NLGN1: variants seen among roughly 807,000 people sequenced by gnomAD.
The protein encoded by NLGN1 is neuroligin 1.
In NLGN1, 12 loss-of-function variants were observed where a neutral mutation model predicts 65.5. The ratio of observed to expected loss-of-function variants is 0.18; its 90% confidence interval spans 0.12 to 0.30. The LOEUF is 0.30. NLGN1 is among the 10% of genes least tolerant of loss of function. The pLI is 1.00. For missense variants in NLGN1, 750 were observed against 1,007.1 expected (o/e 0.74, Z 3.46); for synonymous variants, 350 against 359.5 (o/e 0.97, Z 0.30).
chr3:173,751,311 T>C (rs2150156147), intron 3 of NLGN1, among the ~76,000 whole-genome samples: 2 of 152,214 alleles, frequency 1.3e-5, no homozygotes, highest in South Asian at 4.1e-4. Context: ...CCATGGAGGA[T>C]CATAGAAACA....
chr3:174,116,617 C>T (rs1006534403), intron 4 of NLGN1, among the ~76,000 whole-genome samples: 1 of 152,008 alleles, frequency 6.6e-6, no homozygotes, highest in African/African-American at 2.4e-5. Flanking sequence ...GGAATACAGG[C>T]ATGAGTCACC....
intron 4 of NLGN1, among the ~76,000 whole-genome samples, chr3:173,911,405 A>C (rs1475326802): frequency 2.0e-5 from 3 of 152,214 alleles, no homozygotes; most frequent in Non-Finnish European, 4.4e-5. Context: ...AAATATTGTA[A>C]TCATCCAGAA....
chr3:174,282,702 A>G (rs927764965), exon 7 of NLGN1: 2 of 152,208 alleles, frequency 1.3e-5, no homozygotes, highest in African/African-American at 4.8e-5. Context: ...ATGTAATCAG[A>G]TGTACATTTA....
chr3:173,740,586 A>G (rs1774488454), intron 3 of NLGN1, among the ~76,000 whole-genome samples: 1 of 152,076 alleles, frequency 6.6e-6, no homozygotes, highest in Admixed American at 6.6e-5. Flanking sequence ...AAATAATTAT[A>G]GACAAACAGA....
chr3:173,961,182 G>A (rs1206687112), intron 4 of NLGN1, among the ~76,000 whole-genome samples: 1 of 151,986 alleles, frequency 6.6e-6, no homozygotes, highest in East Asian at 1.9e-4. Context: ...AAAATATACA[G>A]TATATGTTTT....
intron 1 of NLGN1, among the ~76,000 whole-genome samples, chr3:173,434,834 G>A (rs1335510509): frequency 1.3e-5 from 2 of 152,236 alleles, no homozygotes; most frequent in Non-Finnish European, 2.9e-5. Context: ...AATGGTTGTT[G>A]TTGGAAACTC....
chr3:174,051,895 A>G (rs1734971269), intron 4 of NLGN1, among the ~76,000 whole-genome samples: 1 of 152,020 alleles, frequency 6.6e-6, no homozygotes, highest in Non-Finnish European at 1.5e-5. Context: ...GTAACACAAT[A>G]CAATTGAAAA....
At chr3:173,766,443 G>C (rs1778803169) in intron 3 of NLGN1, among the ~76,000 whole-genome samples, 1 of 151,836 alleles carries the variant, frequency 6.6e-6, no homozygotes, top group Non-Finnish European at 1.5e-5. Flanking sequence ...CCTCCTCCAT[G>C]TTCTCCTATT....
At chr3:174,171,223 T>TA (rs1424856337) in intron 4 of NLGN1, among the ~76,000 whole-genome samples, 2 of 152,150 alleles carry the variant, frequency 1.3e-5, no homozygotes, top group African/African-American at 4.8e-5. Flanking sequence ...TAAAATAACT[T>TA]AAAATCAGGT....
At chr3:174,156,364 GC>G (rs1192272246) in intron 4 of NLGN1, among the ~76,000 whole-genome samples, 1 of 151,820 alleles carries the variant, frequency 6.6e-6, no homozygotes, top group Non-Finnish European at 1.5e-5. Flanking sequence ...AGTATGTTCA[GC>G]CTTGTTGCCT....
chr3:173,416,616 G>T (rs1423341493), intron 1 of NLGN1, among the ~76,000 whole-genome samples: 2 of 152,036 alleles, frequency 1.3e-5, no homozygotes, highest in Admixed American at 1.3e-4. Flanking sequence ...GGCTTTTTCT[G>T]GTAAAAGACA....
chr3:174,003,136 G>GA (rs1458740945), intron 4 of NLGN1, among the ~76,000 whole-genome samples: 2 of 151,796 alleles, frequency 1.3e-5, no homozygotes, highest in Non-Finnish European at 2.9e-5. Flanking sequence ...GGAGGAGCTG[G>GA]AAAAAAAGAA....
At chr3:174,032,968 T>A (rs1352513459) in intron 4 of NLGN1, among the ~76,000 whole-genome samples, 2 of 150,836 alleles carry the variant, frequency 1.3e-5, no homozygotes, top group South Asian at 2.1e-4. Context: ...TATATGTATA[T>A]ATATTTAGGT....
intron 4 of NLGN1, among the ~76,000 whole-genome samples, chr3:173,933,453 G>A (rs1234144697): frequency 6.6e-6 from 1 of 152,150 alleles, no homozygotes; most frequent in Non-Finnish European, 1.5e-5. Flanking sequence ...TCTAGAGAGA[G>A]TGTAATAAAA....
At chr3:173,869,335 A>G (rs1304782069) in intron 4 of NLGN1, among the ~76,000 whole-genome samples, 1 of 152,200 alleles carries the variant, frequency 6.6e-6, no homozygotes, top group East Asian at 1.9e-4. Context: ...TTCTACATGT[A>G]AAATATTAGT....
intron 4 of NLGN1, among the ~76,000 whole-genome samples, chr3:174,249,544 C>A (rs1744410781): frequency 6.6e-6 from 1 of 152,170 alleles, no homozygotes; most frequent in Non-Finnish European, 1.5e-5. Context: ...GTTCTGTCCC[C>A]AGGAGCTCTG....
At chr3:173,511,217 T>C (rs538446598) in intron 2 of NLGN1, among the ~76,000 whole-genome samples, 2 of 152,328 alleles carry the variant, frequency 1.3e-5, no homozygotes, top group South Asian at 4.1e-4. Flanking sequence ...AAGTTGTTTT[T>C]GTTTTTGTTA....
intron 2 of NLGN1, among the ~76,000 whole-genome samples, chr3:173,528,964 G>A (rs114277074): frequency 0.024 from 3,640 of 152,178 alleles, 58 homozygotes; most frequent in Middle Eastern, 0.048. Context: ...AGGGTCCATT[G>A]CTAGAGAGCT....
intron 2 of NLGN1, among the ~76,000 whole-genome samples, chr3:173,573,113 G>A (rs1401186443): frequency 6.8e-6 from 1 of 147,634 alleles, no homozygotes; most frequent in Non-Finnish European, 1.5e-5. Context: ...GTTCTCTTCA[G>A]CTCTGAGTTA....
Sources: gnomAD v4.1 joint callset for allele counts (sites outside exome capture counted in the v4.1 genomes callset) on GRCh38, gnomAD v4.1.1 for gene constraint, MANE v1.5 for transcripts, NCBI Gene and HGNC (gene_info 2026-07-23, HGNC 2026-07-21) for gene names.